The following MCU variants were observed in gnomAD, a reference collection of about 807,000 sequenced individuals.
MCU encodes the protein mitochondrial calcium uniporter.
In MCU, 12 loss-of-function variants were observed where a neutral mutation model predicts 45.2. The ratio of observed to expected loss-of-function variants is 0.27; its 90% CI spans 0.17 to 0.43. The LOEUF is 0.43. Ranked by LOEUF, MCU falls within the 20% of genes least tolerant of loss-of-function variation. MCU has a pLI of 1.00. For synonymous variants in MCU, 160 were observed against 165.1 expected, an observed-to-expected ratio of 0.97 and a Z score of 0.24; for missense variants, 324 against 436.7, an observed-to-expected ratio of 0.74 and a Z score of 2.30.
intron 5 of MCU, among the ~76,000 whole-genome samples, chr10:72,870,964 G>T (rs1342068979): frequency 1.3e-5 from 2 of 152,134 alleles, no homozygotes; most frequent in Non-Finnish European, 2.9e-5. Flanking sequence ...GCAGTGGTGT[G>T]ATCTTGGCTC....
chr10:72,780,955 G>A (rs1284000130), intron 1 of MCU, among the ~76,000 whole-genome samples: 1 of 152,160 alleles, frequency 6.6e-6, no homozygotes, highest in Non-Finnish European at 1.5e-5. Flanking sequence ...TACCCGTTTA[G>A]TTGGTCTGAC....
intron 1 of MCU, among the ~76,000 whole-genome samples, chr10:72,785,736 T>G (rs1209029657): frequency 1.3e-5 from 2 of 152,218 alleles, no homozygotes; most frequent in Non-Finnish European, 2.9e-5. Flanking sequence ...TCATCTTGGT[T>G]TAATTTGCAA....
chr10:72,822,065 C>G (rs925971842), intron 1 of MCU, among the ~76,000 whole-genome samples: 2 of 152,174 alleles, frequency 1.3e-5, no homozygotes, highest in East Asian at 3.8e-4. Flanking sequence ...CACCTGAGGT[C>G]AGGAGTTCAA....
At chr10:72,864,826 G>A (rs1332157559) in intron 4 of MCU, among the ~76,000 whole-genome samples, 1 of 152,114 alleles carries the variant, frequency 6.6e-6, no homozygotes, top group African/African-American at 2.4e-5. Flanking sequence ...ATGCTAATGT[G>A]TTTTTCTTCT....
chr10:72,836,833 T>C (rs1844962607), intron 2 of MCU, among the ~76,000 whole-genome samples: 2 of 152,192 alleles, frequency 1.3e-5, no homozygotes, highest in African/African-American at 4.8e-5. Flanking sequence ...TAATTTCACC[T>C]TAGGTCAGTA....
At chr10:72,847,953 C>A (rs1274015813) in intron 2 of MCU, among the ~76,000 whole-genome samples, 1 of 152,190 alleles carries the variant, frequency 6.6e-6, no homozygotes, top group Non-Finnish European at 1.5e-5. Context: ...CCGGCTTCCC[C>A]TAGAGCAAGT....
At chr10:72,776,965 A>T (rs527415397) in intron 1 of MCU, among the ~76,000 whole-genome samples, 2 of 152,350 alleles carry the variant, frequency 1.3e-5, no homozygotes, top group South Asian at 2.1e-4. Flanking sequence ...TCCCACTTAT[A>T]ATAGCTATGA....
rs781446206 is a variant in MCU, at chr10:72,871,575, C to T, written c.856C>T (p.Arg286Cys). 21 of 1,612,034 alleles carry T rather than the reference C, an allele frequency of 1.3e-5. No homozygotes were observed. The highest frequency in any genetic ancestry group is 4.4e-5 in the South Asian group (4 of 91,030). The change falls in exon 6 of 8, where the codon CGC becomes TGC. Residue 286 changes from arginine to cysteine, a missense_variant. By Grantham distance (180) the Arg-to-Cys change is radical (BLOSUM62 -3). Transcript: ENST00000373053. ...AATGTATGCATATTTTGTAATGACA[C>T]GCCAGGTAAGAATTCTCTTCAAGTA... The part of the protein sequence containing the change: ...MAMYAYFVMT[R>C]QEYVYPEARD...
chr10:72,802,650 A>G (rs1244121169), intron 1 of MCU, among the ~76,000 whole-genome samples: 1 of 152,244 alleles, frequency 6.6e-6, no homozygotes, highest in African/African-American at 2.4e-5. Context: ...GTGTATATAC[A>G]TACAAAATAT....
intron 4 of MCU, among the ~76,000 whole-genome samples, chr10:72,865,677 G>A (rs769648554): frequency 1.6e-4 from 24 of 150,858 alleles, no homozygotes; most frequent in Admixed American, 3.3e-4. Flanking sequence ...AAGTAGCTAG[G>A]ACTATAGGCA....
rs1554824941 is a variant in MCU, at chr10:72,805,155, C to CTT, written c.151-29202_151-29201dup. Among the ~76,000 whole-genome samples, 51 of 138,854 alleles carry CTT rather than the reference C, an allele frequency of 3.7e-4. No individual in the cohort carries two copies. In the East Asian group the frequency reaches 4.9e-3, roughly 13 times the overall value. 91.1% of individuals were successfully genotyped at this position (138,854 alleles called of 152,430 possible). Reference sequence around the variant, plus strand: ...TCTTTCTTTCTTTCTTTCTTTCTTTCTTTCTGTCTCTCTCTCTCTCTCTTT... The same window carrying CTT: ...TCTTTCTTTCTTTCTTTCTTTCTTTCTTTTTCTGTCTCTCTCTCTCTCTCTTT... On this transcript the variant is annotated intron_variant, in intron 1 of 7. Coordinates refer to ENST00000373053, the MANE Select transcript of MCU (RefSeq NM_138357.3).
At chr10:72,810,091 T>G (rs1844516503) in intron 1 of MCU, among the ~76,000 whole-genome samples, 1 of 151,726 alleles carries the variant, frequency 6.6e-6, no homozygotes, top group Admixed American at 6.6e-5. Flanking sequence ...ATGTCTAAGG[T>G]TGGAGAAAGG....
At chr10:72,742,885 G>A (rs191326117) in intron 1 of MCU, among the ~76,000 whole-genome samples, 1 of 152,152 alleles carries the variant, frequency 6.6e-6, no homozygotes, top group Non-Finnish European at 1.5e-5. Context: ...TTTCTAGGGG[G>A]TGCAATGCTA....
At chr10:72,698,852 G>A (rs1842721247) in intron 1 of MCU, among the ~76,000 whole-genome samples, 1 of 152,086 alleles carries the variant, frequency 6.6e-6, no homozygotes, top group African/African-American at 2.4e-5. Context: ...TGCCCAGGCT[G>A]AAGTATAGTA....
At chr10:72,835,309 T>C (rs982274963) in intron 2 of MCU, among the ~76,000 whole-genome samples, 5 of 152,220 alleles carry the variant, frequency 3.3e-5, no homozygotes, top group African/African-American at 1.2e-4. Context: ...CAACTCTTAT[T>C]GTCATTTCTC....
intron 1 of MCU, among the ~76,000 whole-genome samples, chr10:72,782,576 T>G (rs1410266383): frequency 6.6e-6 from 1 of 152,194 alleles, no homozygotes; most frequent in Non-Finnish European, 1.5e-5. Context: ...TTCGCCATGT[T>G]GGCCAATCTA....
At chr10:72,741,029 CTT>C (rs1170309353) in intron 1 of MCU, among the ~76,000 whole-genome samples, 6 of 150,960 alleles carry the variant, frequency 4.0e-5, no homozygotes, top group Non-Finnish European at 8.8e-5. Flanking sequence ...AATTAACAAT[CTT>C]TTTTTCTCAG....
At chr10:72,707,387 C>T (rs907717002) in intron 1 of MCU, among the ~76,000 whole-genome samples, 26 of 150,400 alleles carry the variant, frequency 1.7e-4, no homozygotes, top group Middle Eastern at 3.5e-3. Flanking sequence ...TTAATAGAGT[C>T]GGGGTTTCAC....
intron 1 of MCU, among the ~76,000 whole-genome samples, chr10:72,770,540 A>G (rs1001538845): frequency 4.6e-5 from 7 of 152,074 alleles, no homozygotes; most frequent in Non-Finnish European, 8.8e-5. Context: ...AAACCTAACA[A>G]TGTTATAAAT....
Sources: allele counts gnomAD v4.1 joint callset (sites outside exome capture counted in the v4.1 genomes callset), GRCh38; gene constraint gnomAD v4.1.1; transcripts MANE v1.5; gene names NCBI Gene and HGNC (gene_info 2026-07-23, HGNC 2026-07-21).